ADGRB3: variants seen among roughly 807,000 people sequenced by gnomAD.
ADGRB3 encodes the protein brain-specific angiogenesis inhibitor 3.
A neutral mutation model predicts 193.4 loss-of-function variants in ADGRB3; 37 were observed. That is an observed-to-expected ratio of 0.19 (90% confidence interval 0.15 to 0.25). The LOEUF is 0.25. Among genes scored for constraint, ADGRB3 ranks in the 10% least tolerant of loss-of-function variants. The pLI is 1.00. For synonymous variants in ADGRB3, 690 were observed against 644.2 expected (o/e 1.07, Z -1.08); for missense variants, 1,637 against 1,852.9 (o/e 0.88, Z 2.14).
chr6:69,265,068 C>A (rs1344264650), intron 20 of ADGRB3, among the ~76,000 whole-genome samples: 2 of 151,880 alleles, frequency 1.3e-5, no homozygotes, highest in Non-Finnish European at 2.9e-5. Context: ...TAGATAGGAA[C>A]AAATAAAGTG....
intron 3 of ADGRB3, among the ~76,000 whole-genome samples, chr6:68,702,000 A>G (rs1433684946): frequency 6.6e-6 from 1 of 152,164 alleles, no homozygotes; most frequent in East Asian, 1.9e-4. Flanking sequence ...CTGGTTTGGC[A>G]GGTGTATTAG....
At chr6:68,897,394 G>T (rs1766248033) in intron 3 of ADGRB3, among the ~76,000 whole-genome samples, 1 of 129,202 alleles carries the variant, frequency 7.7e-6, no homozygotes, top group Admixed American at 9.1e-5. Flanking sequence ...AGGAAAGAAA[G>T]AAAGAGAGAG....
intron 3 of ADGRB3, among the ~76,000 whole-genome samples, chr6:68,704,927 CTA>C (rs1294019830): frequency 6.6e-6 from 1 of 152,078 alleles, no homozygotes; most frequent in Non-Finnish European, 1.5e-5. Flanking sequence ...ATATCAGTCT[CTA>C]TTTATTATAA....
intron 20 of ADGRB3, among the ~76,000 whole-genome samples, chr6:69,300,360 A>C (rs35829738): frequency 6.6e-6 from 1 of 151,856 alleles, no homozygotes; most frequent in South Asian, 2.1e-4. Flanking sequence ...AGCCAGTATC[A>C]TACTAAACAA....
At chr6:68,706,481 T>C (rs929966087) in intron 3 of ADGRB3, among the ~76,000 whole-genome samples, 1 of 152,198 alleles carries the variant, frequency 6.6e-6, no homozygotes, top group Non-Finnish European at 1.5e-5. Flanking sequence ...CATATGTGCA[T>C]CTGCATGTTT....
In ADGRB3 at chr6:68,807,235, C is replaced by CTTTTTTTTT. The variant is rs771342538; in HGVS notation, c.758-123312_758-123304dup. ...TTTTTCTTTTTCTTTTTTCTTTTTT[C>CTTTTTTTTT]TTTTTTTTTTTTTTTTTTTTGAGAC... On this transcript the variant is annotated intron_variant, in intron 3 of 31. Coordinates refer to ENST00000370598, the MANE Select transcript of ADGRB3 (RefSeq NM_001704.3). Among the ~76,000 whole-genome samples the CTTTTTTTTT allele has an allele frequency of 6.5e-3, 649 of 100,144 alleles. 2 individuals are homozygous for CTTTTTTTTT. The highest frequency in any genetic ancestry group is 0.01 in the East Asian group (35 of 3,358). The allele number at this position is 100,144 out of a possible 152,430, so 65.7% of individuals were successfully genotyped here. A position where few individuals can be genotyped will look rare whatever the true frequency, so the allele number is the denominator to read the frequency against.
At chr6:68,937,999 G>A (rs529530001) in intron 5 of ADGRB3, among the ~76,000 whole-genome samples, 6 of 152,252 alleles carry the variant, frequency 3.9e-5, no homozygotes, top group African/African-American at 1.4e-4. Flanking sequence ...GTGGAGGAAT[G>A]ATGCAATGAG....
At chr6:69,375,101 G>A (rs572848044) in intron 30 of ADGRB3, among the ~76,000 whole-genome samples, 1 of 152,106 alleles carries the variant, frequency 6.6e-6, no homozygotes, top group Non-Finnish European at 1.5e-5. Context: ...AGACTAAAGT[G>A]AGTAATTTAG....
At chr6:68,939,593 G>T (rs1014158573) in intron 5 of ADGRB3, among the ~76,000 whole-genome samples, 9 of 152,144 alleles carry the variant, frequency 5.9e-5, no homozygotes, top group Non-Finnish European at 1.2e-4. Flanking sequence ...TAAAAATATA[G>T]AATAAGTGCC....
intron 8 of ADGRB3, among the ~76,000 whole-genome samples, chr6:68,969,584 C>T (rs1489518273): frequency 6.6e-6 from 1 of 152,088 alleles, no homozygotes; most frequent in Non-Finnish European, 1.5e-5. Context: ...TTAGAGATTA[C>T]TCTTTTGATG....
At chr6:69,266,940 C>T (rs964608879) in intron 20 of ADGRB3, among the ~76,000 whole-genome samples, 3 of 152,034 alleles carry the variant, frequency 2.0e-5, no homozygotes, top group African/African-American at 7.2e-5. Flanking sequence ...TAAGGTTGTA[C>T]AGATAATTGC....
chr6:69,037,178 C>T (rs1770897189), intron 13 of ADGRB3, among the ~76,000 whole-genome samples: 3 of 152,060 alleles, frequency 2.0e-5, no homozygotes, highest in Admixed American at 2.0e-4. Context: ...GTTTGAATGT[C>T]TGAGTACATG....
chr6:68,988,786 C>A (rs1006285544), intron 10 of ADGRB3, among the ~76,000 whole-genome samples: 1 of 152,120 alleles, frequency 6.6e-6, no homozygotes, highest in Admixed American at 6.6e-5. Context: ...CCAGCAATGA[C>A]CCAGCACTGT....
At chr6:68,712,571 G>T (rs532940902) in intron 3 of ADGRB3, among the ~76,000 whole-genome samples, 1 of 151,840 alleles carries the variant, frequency 6.6e-6, no homozygotes, top group African/African-American at 2.4e-5. Flanking sequence ...GTGAAAAAAG[G>T]GACAGAAAAA....
chr6:68,646,137 A>C (rs910465260), intron 3 of ADGRB3, among the ~76,000 whole-genome samples: 2 of 152,234 alleles, frequency 1.3e-5, no homozygotes, highest in Non-Finnish European at 2.9e-5. Context: ...AAAATTACCC[A>C]GACATGATGA....
chr6:69,228,126 A>G (rs758289680), intron 17 of ADGRB3, among the ~76,000 whole-genome samples: 4 of 152,082 alleles, frequency 2.6e-5, no homozygotes, highest in Non-Finnish European at 2.9e-5. Flanking sequence ...GTGCAGTGGC[A>G]TGTGCCTGTA....
At chr6:68,927,909 TTATG>T (rs1198441187) in intron 3 of ADGRB3, among the ~76,000 whole-genome samples, 1 of 152,142 alleles carries the variant, frequency 6.6e-6, no homozygotes, top group African/African-American at 2.4e-5. Context: ...AAACTTCTGA[TTATG>T]TAATAAGTTT....
chr6:68,766,661 A>G (rs1338314446), intron 3 of ADGRB3, among the ~76,000 whole-genome samples: 1 of 152,010 alleles, frequency 6.6e-6, no homozygotes, highest in Non-Finnish European at 1.5e-5. Flanking sequence ...TATTGTAAAC[A>G]TGTATACTAA....
At chr6:69,128,183 A>G (rs1382887283) in intron 17 of ADGRB3, among the ~76,000 whole-genome samples, 3 of 152,130 alleles carry the variant, frequency 2.0e-5, no homozygotes, top group African/African-American at 7.2e-5. Context: ...TATTTAGGAC[A>G]CCTCATCTTC....
Sources: gnomAD v4.1 joint callset for allele counts (sites outside exome capture counted in the v4.1 genomes callset) on GRCh38, gnomAD v4.1.1 for gene constraint, MANE v1.5 for transcripts, NCBI Gene and HGNC (gene_info 2026-07-23, HGNC 2026-07-21) for gene names.